The following RGS12 variants were observed in gnomAD, a reference collection of about 807,000 sequenced individuals.
RGS12 encodes the protein regulator of G protein signaling 12, also known as regulator of G-protein signaling 12.
RGS12 carries 66 observed loss-of-function variants against 120.1 expected under a neutral mutation model. The ratio of observed to expected loss-of-function variants is 0.55; its 90% CI spans 0.45 to 0.67. RGS12 has a LOEUF of 0.67. Ranked by LOEUF, RGS12 falls within the 30% of genes least tolerant of loss-of-function variation. The probability of loss-of-function intolerance (pLI) is 0.00; values close to 1 mark genes in which losing one functional copy is unlikely to be tolerated. For synonymous variants in RGS12, 827 were observed against 804.7 expected (o/e 1.03, Z -0.47); for missense variants, 1,859 against 1,957.7 (o/e 0.95, Z 0.95).
Position 3,428,082 on chromosome 4 carries a change from A to ATT in RGS12, c.3332-7_3332-6insTT, listed in dbSNP as rs554452033. ...GTCCCTGAAGTCATAAAGCTTTCTT[A>ATT]TGTTTAGCATCCGCAGATAAACAGA... On this transcript the variant is annotated splice_polypyrimidine_tract_variant and splice_region_variant and intron_variant, in intron 14 of 17. Transcript: ENST00000336727. The ATT allele has an allele frequency of 6.7e-5, 108 of 1,612,370 alleles. No homozygotes were observed. The East Asian group carries it at 2.0e-3, about 30-fold the overall frequency.
chr4:3,417,038 G>A lies in RGS12; in HGVS notation c.2553G>A (p.Pro851=), dbSNP rs1288442265. ...LPDSQQVPSS[P]ASKHSLGSDH... The stretch of plus-strand genomic sequence containing the variant: ...ACTCGCAGCAGGTCCCCAGCAGCCC[G>A]GCTTCCAAGCACAGCCTCGGTTCAG... The change falls in exon 8 of 18, where the codon CCG becomes CCA. Residue 851 remains proline, a synonymous_variant. Transcript: ENST00000336727. 7 of 1,613,054 alleles carry A rather than the reference G, an allele frequency of 4.3e-6. No individual in the cohort carries two copies. The highest frequency in any genetic ancestry group is 2.2e-5 in the East Asian group (1 of 44,874).
intron 2 of RGS12, among the ~76,000 whole-genome samples, chr4:3,327,089 T>C (rs946989324): frequency 4.6e-5 from 7 of 152,206 alleles, no homozygotes; most frequent in Admixed American, 3.3e-4. Flanking sequence ...CAAAATAGCA[T>C]GTTACTGGTA....
intron 3 of RGS12, among the ~76,000 whole-genome samples, chr4:3,351,270 C>G (rs1419783834): frequency 1.3e-5 from 2 of 151,744 alleles, no homozygotes; most frequent in Non-Finnish European, 2.9e-5. Context: ...TGTTTGTTTG[C>G]TTTTTCTGGC....
intron 1 of RGS12, among the ~76,000 whole-genome samples, chr4:3,310,678 A>G (rs1020052717): frequency 6.7e-6 from 1 of 149,878 alleles, no homozygotes; most frequent in Admixed American, 6.6e-5. Flanking sequence ...TGTGTCCCTG[A>G]TGAGGTGGGA....
rs1717179487 is a variant in RGS12, at chr4:3,372,838, C to T, written c.1999-13578C>T. Among the ~76,000 whole-genome samples the T allele has an allele frequency of 6.6e-6, 1 of 152,202 alleles. No homozygotes were observed. The highest frequency in any genetic ancestry group is 1.5e-5 in the Non-Finnish European group (1 of 68,038). ...GTGACAGAAAGAACTTTCTAGAGAC[C>T]ACAGGGCTTCTCTCCCCTTCAGGCA... On this transcript the variant is annotated intron_variant, in intron 3 of 17. Coordinates refer to ENST00000336727, the MANE Select transcript of RGS12 (RefSeq NM_001394154.1). The surrounding 1 kb of genome is among the most constrained non-coding windows in gnomAD (Gnocchi z 4.3).
At chr4:3,398,798 A>G (rs1019374130) in intron 4 of RGS12, among the ~76,000 whole-genome samples, 3 of 152,230 alleles carry the variant, frequency 2.0e-5, no homozygotes, top group African/African-American at 7.2e-5. Flanking sequence ...ATTAAATCTA[A>G]CAGACACATA....
chr4:3,328,746 G>T (rs768120174), intron 2 of RGS12, among the ~76,000 whole-genome samples: 13 of 152,186 alleles, frequency 8.5e-5, no homozygotes, highest in Admixed American at 1.3e-4. Flanking sequence ...AGGGTTCTAC[G>T]CAAAGTCAGC....
rs149673713 is a variant in RGS12, at chr4:3,317,794, G to A, written c.1624G>A (p.Val542Met). The A allele has an allele frequency of 1.8e-5, 29 of 1,613,266 alleles. No individual in the cohort carries two copies. Among genetic ancestry groups the A allele is most frequent in the Non-Finnish European group, 2.4e-5 (28 of 1,179,932 alleles). The change falls in exon 2 of 18, where the codon GTG becomes ATG. Residue 542 changes from valine to methionine, a missense_variant. This residue lies in a region of RGS12 where 967 missense variants were observed against 994.2 expected (regional missense o/e 0.97). Coordinates refer to ENST00000336727, the MANE Select transcript of RGS12 (RefSeq NM_001394154.1). ...GFNQRWLPVH[V>M]LREWQCGHTS... is the part of the protein sequence containing the mutation. ...CAACCAGCGCTGGCTCCCGGTCCAC[G>A]TGCTCCGGGAGTGGCAGTGCGGACA...
chr4:3,302,557 C>T (rs1444295765), intron 1 of RGS12, among the ~76,000 whole-genome samples: 4 of 152,194 alleles, frequency 2.6e-5, no homozygotes, highest in East Asian at 1.9e-4. Context: ...TGGTGGGCTC[C>T]GCTCCCCCTG....
intron 2 of RGS12, among the ~76,000 whole-genome samples, chr4:3,327,052 C>A (rs1022065779): frequency 1.3e-5 from 2 of 152,204 alleles, no homozygotes; most frequent in African/African-American, 4.8e-5. Context: ...CATTACCTGA[C>A]TTCAAATTAT....
intron 3 of RGS12, among the ~76,000 whole-genome samples, chr4:3,371,444 A>G (rs1444624507): frequency 6.6e-6 from 1 of 152,234 alleles, no homozygotes; most frequent in East Asian, 1.9e-4. Flanking sequence ...CTCAGTGTAT[A>G]TCCAGGCAAG....
chr4:3,423,065 C>A, intron 12 of RGS12, 87 bp downstream of exon 12: 1 of 1,016,854 alleles, frequency 9.8e-7, no homozygotes, highest in Non-Finnish European at 1.5e-6. Context: ...GCTTAGCGGG[C>A]GGCCTGTGGA....
rs955341172 is a variant in RGS12 at position 3,422,056 on chromosome 4, A to G, written c.2839-320A>G. Among the ~76,000 whole-genome samples, 5 of 152,206 alleles carry G rather than the reference A, an allele frequency of 3.3e-5. No homozygotes were observed. In the South Asian group the frequency reaches 1.0e-3, roughly 32 times the overall value. On this transcript the variant is annotated intron_variant, in intron 10 of 17. Coordinates refer to ENST00000336727, the MANE Select transcript of RGS12 (RefSeq NM_001394154.1). ...AGCCCTGGGAGGGAGTGGTCCTCAC[A>G]GGGCAGCTTCAGTGGGCCCCGCAGG...
At chr4:3,299,255 G>A (rs1035605112) in intron 1 of RGS12, among the ~76,000 whole-genome samples, 2 of 152,022 alleles carry the variant, frequency 1.3e-5, no homozygotes, top group African/African-American at 4.8e-5. Flanking sequence ...TTTACTAACA[G>A]ATCTCACGAC....
intron 17 of RGS12, chr4:3,431,730 CT>C (rs998780198): frequency 4.5e-5 from 44 of 985,640 alleles, no homozygotes; most frequent in Admixed American, 4.3e-4. Context: ...AGAGGAGCCG[CT>C]CAGGGTGCGC....
At chr4:3,439,140 G>A (rs1725083473) in intron 17 of RGS12, among the ~76,000 whole-genome samples, 1 of 152,068 alleles carries the variant, frequency 6.6e-6, no homozygotes, top group Non-Finnish European at 1.5e-5. Flanking sequence ...AGTTGGGGCG[G>A]GGGCTCTGCC....
rs1721733046 is a variant in RGS12 at position 3,411,541 on chromosome 4, G to A, written c.2021-2531G>A. Among the ~76,000 whole-genome samples, 4 of 152,358 alleles carry A rather than the reference G, an allele frequency of 2.6e-5. No individual in the cohort carries two copies. The South Asian group carries it at 8.3e-4, about 32-fold the overall frequency. ...GGGAGCTTTCACGCTCCACTTGTGT[G>A]GTTCTAACAAGACACCCATAGGCAA... On this transcript the variant is annotated intron_variant, in intron 4 of 17. Transcript: ENST00000336727.
At chr4:3,315,890 A>G (rs1724705645) in intron 1 of RGS12, among the ~76,000 whole-genome samples, 180 bp from the exon 2 acceptor site, 1 of 152,150 alleles carries the variant, frequency 6.6e-6, no homozygotes, top group African/African-American at 2.4e-5. Context: ...TGTGGGAGAC[A>G]TTTTCTACTC....
chr4:3,393,641 C>T (rs1273547890), intron 4 of RGS12, among the ~76,000 whole-genome samples: 1 of 152,158 alleles, frequency 6.6e-6, no homozygotes, highest in Non-Finnish European at 1.5e-5. Flanking sequence ...ACTGTTGCTT[C>T]GCATATTTTG....
Sources: allele counts gnomAD v4.1 joint callset (sites outside exome capture counted in the v4.1 genomes callset), GRCh38; gene constraint gnomAD v4.1.1; regional missense constraint gnomAD v4.1.1; non-coding constraint Gnocchi (gnomAD v3.1); transcripts MANE v1.5; gene names NCBI Gene and HGNC (gene_info 2026-07-23, HGNC 2026-07-21).